CHRM2: variants seen among roughly 807,000 people sequenced by gnomAD.
The protein encoded by CHRM2 is muscarinic acetylcholine receptor M2.
Under a neutral mutation model 25.0 loss-of-function variants are expected in CHRM2, and 8 were observed. The observed-to-expected ratio is 0.32, with a 90% CI of 0.19 to 0.58. The LOEUF (loss-of-function observed/expected upper bound fraction) is 0.58. Ranked by LOEUF, CHRM2 falls within the 20% of genes least tolerant of loss-of-function variation. The pLI is 0.88. For missense variants in CHRM2, 440 were observed against 567.1 expected (o/e 0.78, Z 2.28); for synonymous variants, 202 against 205.7 (o/e 0.98, Z 0.15).
At chr7:136,932,973 TGG>T (rs1799195233) in intron 2 of CHRM2, among the ~76,000 whole-genome samples, 1 of 152,148 alleles carries the variant, frequency 6.6e-6, no homozygotes, top group South Asian at 2.1e-4. Flanking sequence ...GAGGTTGCAG[TGG>T]GCCCAGATTG....
At position 136,882,955 on chromosome 7, in the gene CHRM2, T is replaced by C. The variant is rs540132545; in HGVS notation, c.-125+13537T>C. Among the ~76,000 whole-genome samples, 4 of 152,234 alleles carry C rather than the reference T, an allele frequency of 2.6e-5. No homozygotes were observed. In the South Asian group the frequency reaches 8.3e-4, roughly 32 times the overall value. ...TTTAGTACAGTTTCCTCTTTTTACT[T>C]GACCCAATGTAAAAGATAAATGAAC... On this transcript the variant is annotated intron_variant, in intron 2 of 3. Coordinates refer to ENST00000680005, the MANE Select transcript of CHRM2 (RefSeq NM_001006630.2).
At chr7:136,948,346 GTAGAA>G (rs966014783) in intron 2 of CHRM2, among the ~76,000 whole-genome samples, 1 of 152,140 alleles carries the variant, frequency 6.6e-6, no homozygotes, top group African/African-American at 2.4e-5. Flanking sequence ...AAGTCATAAA[GTAGAA>G]TATTAAAGTT....
chr7:136,906,850 T>G (rs917551132), intron 2 of CHRM2: 1 of 151,510 alleles, frequency 6.6e-6, no homozygotes, highest in Non-Finnish European at 1.5e-5. Context: ...TTACATTTAT[T>G]GTGCCCTTTT....
chr7:136,966,330 G>A (rs961127074), intron 2 of CHRM2, among the ~76,000 whole-genome samples: 21 of 151,736 alleles, frequency 1.4e-4, no homozygotes, highest in Non-Finnish European at 1.9e-4. Flanking sequence ...TAAAATTGTC[G>A]TGATGGCAGA....
At chr7:136,890,793 A>G (rs1015199665) in intron 2 of CHRM2, among the ~76,000 whole-genome samples, 7 of 152,106 alleles carry the variant, frequency 4.6e-5, no homozygotes, top group Non-Finnish European at 8.8e-5. Context: ...GTGTATGTGT[A>G]TGTGTGAATT....
At chr7:136,903,284 G>C (rs201557193) in intron 2 of CHRM2, 2 of 531,200 alleles carry the variant, frequency 3.8e-6, no homozygotes, top group Non-Finnish European at 7.7e-6. Context: ...CACAAGCAGC[G>C]GACACTTCCA....
At chr7:136,950,016 T>C (rs1167909643) in intron 2 of CHRM2, among the ~76,000 whole-genome samples, 1 of 152,184 alleles carries the variant, frequency 6.6e-6, no homozygotes, top group Non-Finnish European at 1.5e-5. Context: ...CATCATCTGG[T>C]ATTATAATAT....
At chr7:136,924,184 C>T (rs966182817) in intron 2 of CHRM2, among the ~76,000 whole-genome samples, 4 of 151,844 alleles carry the variant, frequency 2.6e-5, no homozygotes, top group Non-Finnish European at 5.9e-5. Context: ...TATGTACACA[C>T]ATTATTTCTT....
intron 2 of CHRM2, among the ~76,000 whole-genome samples, chr7:136,959,351 A>C (rs967942578): frequency 6.6e-6 from 1 of 152,228 alleles, no homozygotes; most frequent in Non-Finnish European, 1.5e-5. Flanking sequence ...TGAGTGGAGG[A>C]CTAACAAGAA....
chr7:136,970,705 A>AT (rs35417660), intron 2 of CHRM2, among the ~76,000 whole-genome samples: 97 of 152,012 alleles, frequency 6.4e-4, no homozygotes, highest in African/African-American at 2.2e-3. Flanking sequence ...CTGAAAAAAA[A>AT]GTTTTTCAAA....
chr7:136,907,845 C>T (rs918055891), intron 2 of CHRM2: 8 of 151,982 alleles, frequency 5.3e-5, no homozygotes, highest in Non-Finnish European at 1.2e-4. Flanking sequence ...GAGTAGAACT[C>T]ACCACGCTCT....
chr7:136,956,581 C>A (rs537676920), intron 2 of CHRM2, among the ~76,000 whole-genome samples: 1 of 152,246 alleles, frequency 6.6e-6, no homozygotes, highest in South Asian at 2.1e-4. Flanking sequence ...AGCCTCTACC[C>A]ACATTTCCAC....
chr7:136,881,515 T>G (rs913630092), intron 2 of CHRM2, among the ~76,000 whole-genome samples: 28 of 152,136 alleles, frequency 1.8e-4, no homozygotes, highest in Middle Eastern at 3.4e-3. Context: ...TAATCTTACA[T>G]TTCCATATTC....
intron 2 of CHRM2, among the ~76,000 whole-genome samples, chr7:136,922,162 T>C (rs10243944): frequency 0.54 from 81,316 of 151,918 alleles, 23,806 homozygotes; most frequent in African/African-American, 0.74. Context: ...TCTATTCTCT[T>C]CCAAAGCTCA....
intron 2 of CHRM2, among the ~76,000 whole-genome samples, chr7:136,955,013 G>C (rs535685647): frequency 1.3e-5 from 2 of 151,904 alleles, no homozygotes; most frequent in African/African-American, 2.4e-5. Context: ...ACCCCTACTA[G>C]TACTATACCC....
intron 2 of CHRM2, among the ~76,000 whole-genome samples, chr7:136,921,006 T>G (rs758459305): frequency 2.6e-5 from 4 of 152,120 alleles, no homozygotes; most frequent in African/African-American, 7.2e-5. Flanking sequence ...AAATGGAAGA[T>G]GCCCTAGAAC....
intron 2 of CHRM2, among the ~76,000 whole-genome samples, chr7:136,965,742 A>T (rs1801374307): frequency 6.6e-6 from 1 of 152,074 alleles, no homozygotes; most frequent in Non-Finnish European, 1.5e-5. Flanking sequence ...TTGGCTGCAA[A>T]AGCCATTATT....
At chr7:137,001,710 C>A (rs538777768) in intron 3 of CHRM2, among the ~76,000 whole-genome samples, 1 of 152,116 alleles carries the variant, frequency 6.6e-6, no homozygotes, top group Non-Finnish European at 1.5e-5. Flanking sequence ...AGGTCTGTAT[C>A]CCTTGTCTTG....
chr7:136,928,034 T>C (rs1194711181), intron 2 of CHRM2, among the ~76,000 whole-genome samples: 3 of 152,192 alleles, frequency 2.0e-5, no homozygotes, highest in Non-Finnish European at 2.9e-5. Flanking sequence ...AACAGAACTG[T>C]TTCTTGCTCT....
Sources: gnomAD v4.1 joint callset for allele counts (sites outside exome capture counted in the v4.1 genomes callset) on GRCh38, gnomAD v4.1.1 for gene constraint, MANE v1.5 for transcripts, NCBI Gene and HGNC (gene_info 2026-07-23, HGNC 2026-07-21) for gene names.